MTMR7: variants seen among roughly 807,000 people sequenced by gnomAD.
MTMR7 encodes phosphatidylinositol-3-phosphate phosphatase MTMR7.
MTMR7 carries 76 observed loss-of-function variants against 81.2 expected under a neutral mutation model. That is an observed-to-expected ratio of 0.94 (90% confidence interval 0.78 to 1.13). The LOEUF (loss-of-function observed/expected upper bound fraction) is 1.13, where lower values mean the gene tolerates loss of function less well. MTMR7 is among the 50% of genes most tolerant of loss of function. The pLI is 0.00. For synonymous variants in MTMR7, 372 were observed against 289.8 expected (o/e 1.28, Z -2.88); for missense variants, 1,044 against 820.0 (o/e 1.27, Z -3.34).
chr8:17,311,741 A>C (rs1486950131), intron 8 of MTMR7, 105 bp from the exon 9 acceptor site: 6 of 1,530,998 alleles, frequency 3.9e-6, no homozygotes, highest in African/African-American at 1.4e-5. Context: ...AGAAACAGCC[A>C]AAACGAAACA....
chr8:17,309,942 G>C (rs886947956), intron 9 of MTMR7, among the ~76,000 whole-genome samples: 1 of 152,098 alleles, frequency 6.6e-6, no homozygotes, highest in Non-Finnish European at 1.5e-5. Context: ...TAAGTCTGAG[G>C]CAGTCCAGAT....
intron 1 of MTMR7, among the ~76,000 whole-genome samples, chr8:17,403,447 T>A (rs1238007053): frequency 1.3e-5 from 2 of 152,206 alleles, no homozygotes; most frequent in Non-Finnish European, 2.9e-5. Flanking sequence ...TCTCTGTTTT[T>A]ATGCCAATAC....
chr8:17,338,460 G>A (rs76157283), intron 6 of MTMR7, among the ~76,000 whole-genome samples: 2,827 of 152,254 alleles, frequency 0.019, 42 homozygotes, highest in Middle Eastern at 0.034. Flanking sequence ...TCTCTCCTCA[G>A]TAAAGCCCCC....
At chr8:17,382,616 C>T (rs1355389924) in intron 1 of MTMR7, among the ~76,000 whole-genome samples, 4 of 152,146 alleles carry the variant, frequency 2.6e-5, no homozygotes, top group African/African-American at 4.8e-5. Flanking sequence ...TTGATATTCA[C>T]GCTACACGGC....
At chr8:17,355,964 G>A (rs1053548892) in intron 4 of MTMR7, among the ~76,000 whole-genome samples, 12 of 152,094 alleles carry the variant, frequency 7.9e-5, no homozygotes, top group African/African-American at 2.9e-4. Context: ...ACCAAAAGGT[G>A]CATAAAATGC....
intron 7 of MTMR7, among the ~76,000 whole-genome samples, chr8:17,323,150 G>T (rs981743582): frequency 6.6e-6 from 1 of 151,674 alleles, no homozygotes; most frequent in South Asian, 2.1e-4. Context: ...GTTTCACCAT[G>T]TCGGACAGCA....
At chr8:17,370,043 C>T (rs1028709619) in intron 3 of MTMR7, among the ~76,000 whole-genome samples, 10 of 151,876 alleles carry the variant, frequency 6.6e-5, no homozygotes, top group Non-Finnish European at 1.2e-4. Context: ...GCTATAAATC[C>T]GAAGAGCCCA....
chr8:17,391,134 C>CG (rs1258340152), intron 1 of MTMR7, among the ~76,000 whole-genome samples: 2 of 152,052 alleles, frequency 1.3e-5, no homozygotes, highest in African/African-American at 4.8e-5. Flanking sequence ...TCTACGAGGA[C>CG]GTGAGGACTT....
Position 17,297,816 on chromosome 8 carries a change from C to A in MTMR7, c.*2046G>T, listed in dbSNP as rs780170335. 1 of 151,188 alleles carries A rather than the reference C, an allele frequency of 6.6e-6. No individual in the cohort carries two copies. The highest frequency in any genetic ancestry group is 1.5e-5 in the Non-Finnish European group (1 of 67,796). The allele number at this position is 151,188 out of a possible 1,614,324, so 9.4% of individuals were successfully genotyped here. A position where few individuals can be genotyped will look rare whatever the true frequency, so the allele number is the denominator to read the frequency against. On this transcript the variant is annotated 3_prime_UTR_variant, in exon 14 of 14. Coordinates refer to ENST00000180173, the MANE Select transcript of MTMR7 (RefSeq NM_004686.5). The stretch of plus-strand genomic sequence containing the variant: ...AAGTTTTAATAAGCAATAAATGTAA[C>A]CTTTTATATAAATCTCAGTGCTAGG...
intron 5 of MTMR7, among the ~76,000 whole-genome samples, chr8:17,348,394 C>A (rs1010917377): frequency 3.8e-4 from 48 of 127,418 alleles, no homozygotes; most frequent in South Asian, 7.3e-4. Flanking sequence ...AAAAAAAAAA[C>A]CCAAAATTAG....
At position 17,300,111 on chromosome 8, in the gene MTMR7, A is replaced by G. The variant is rs539591837; in HGVS notation, c.1734T>C (p.Thr578=). Residue 578 remains threonine, a synonymous_variant, in exon 14 of 14, where the codon ACT becomes ACC. Coordinates refer to ENST00000180173, the MANE Select transcript of MTMR7 (RefSeq NM_004686.5). ...TCATATTCCCACTGTAATCCTGGGG[A>G]GTGTTGGCTATGCTGTTGTCTGAGG... ...FSTSDNSIAN[T]PQDYSGNMKS... is the part of the protein sequence containing the mutation. 7.6e-5 allele frequency: 122 copies of G among 1,613,876 alleles called. 1 individual carries two copies. In the South Asian group the frequency reaches 1.3e-3, roughly 17 times the overall value.
intron 5 of MTMR7, among the ~76,000 whole-genome samples, chr8:17,345,697 A>T (rs1041947409): frequency 1.1e-4 from 17 of 152,232 alleles, no homozygotes; most frequent in African/African-American, 4.1e-4. Context: ...CAGCTGATAC[A>T]AAGGGAAAGA....
At chr8:17,340,657 C>T (rs1819380870) in intron 6 of MTMR7, among the ~76,000 whole-genome samples, 1 of 152,144 alleles carries the variant, frequency 6.6e-6, no homozygotes, top group Admixed American at 6.5e-5. Context: ...GTGGCTCACT[C>T]CTTGATGTCT....
chr8:17,397,889 T>C (rs935208692), intron 1 of MTMR7, among the ~76,000 whole-genome samples: 7 of 152,114 alleles, frequency 4.6e-5, no homozygotes, highest in African/African-American at 1.7e-4. Flanking sequence ...AATACATTTG[T>C]TTGGGAGAAA....
intron 1 of MTMR7, among the ~76,000 whole-genome samples, chr8:17,405,900 T>C (rs1460966278): frequency 1.3e-5 from 2 of 151,652 alleles, no homozygotes; most frequent in African/African-American, 2.4e-5. Context: ...ATGGACATGA[T>C]TTTCTTTTAA....
In MTMR7 at chr8:17,299,734, T is replaced by C; in HGVS notation, c.*128A>G. ...AAGAACTGGGCACTTTTTTCCCTTT[T>C]CATAGCTGCATTAAAGTAGTTCTCA... On this transcript the variant is annotated 3_prime_UTR_variant, in exon 14 of 14. Coordinates refer to ENST00000180173, the MANE Select transcript of MTMR7 (RefSeq NM_004686.5). 1 of 1,355,296 alleles carries C rather than the reference T, an allele frequency of 7.4e-7. No homozygotes were observed. Among genetic ancestry groups the C allele is most frequent in the South Asian group, 1.5e-5 (1 of 68,084 alleles). 84.0% of individuals were successfully genotyped at this position (1,355,296 alleles called of 1,614,324 possible).
At chr8:17,405,067 G>T in intron 1 of MTMR7, among the ~76,000 whole-genome samples, 1 of 152,226 alleles carries the variant, frequency 6.6e-6, no homozygotes, top group East Asian at 1.9e-4. Flanking sequence ...GGCCAGGCTG[G>T]CCCTGAACTT....
At chr8:17,325,923 C>T (rs946124950) in intron 7 of MTMR7, among the ~76,000 whole-genome samples, 1 of 152,210 alleles carries the variant, frequency 6.6e-6, no homozygotes. Context: ...TTTTCAAATA[C>T]ATTATTGCTT....
At chr8:17,383,709 C>T (rs1268906108) in intron 1 of MTMR7, among the ~76,000 whole-genome samples, 1 of 152,042 alleles carries the variant, frequency 6.6e-6, no homozygotes, top group Non-Finnish European at 1.5e-5. Flanking sequence ...TACAGACCAG[C>T]TTGGCTGGCC....
Sources: gnomAD v4.1 joint callset for allele counts (sites outside exome capture counted in the v4.1 genomes callset) on GRCh38, gnomAD v4.1.1 for gene constraint, MANE v1.5 for transcripts, NCBI Gene and HGNC (gene_info 2026-07-23, HGNC 2026-07-21) for gene names.